Variants in CFAP43 observed in about 807,000 individuals in gnomAD.
CFAP43 encodes cilia and flagella associated protein 43.
In CFAP43, 155 loss-of-function variants were observed where a neutral mutation model predicts 218.9. The ratio of observed to expected loss-of-function variants is 0.71; its 90% CI spans 0.62 to 0.81. CFAP43 has a LOEUF of 0.81. Among genes scored for constraint, CFAP43 ranks in the 30% least tolerant of loss-of-function variants. CFAP43 has a pLI of 0.00. For missense variants in CFAP43, 1,778 were observed against 1,954.3 expected, an observed-to-expected ratio of 0.91 and a Z score of 1.70; for synonymous variants, 645 against 681.3, an observed-to-expected ratio of 0.95 and a Z score of 0.83.
intron 10 of CFAP43, among the ~76,000 whole-genome samples, chr10:104,195,102 G>GT (rs887960897): frequency 6.6e-6 from 1 of 152,224 alleles, no homozygotes; most frequent in Admixed American, 6.5e-5. Flanking sequence ...ACCCTTGCAG[G>GT]TACCATCAGC....
chr10:104,214,183 T>A, intron 4 of CFAP43, 76 bp downstream of exon 4: 2 of 1,422,732 alleles, frequency 1.4e-6, no homozygotes, highest in Non-Finnish European at 1.9e-6. Context: ...ACTTAATTCA[T>A]CAAATTGACC....
At chr10:104,188,914 C>T (rs1042623391) in intron 12 of CFAP43, among the ~76,000 whole-genome samples, 1 of 152,202 alleles carries the variant, frequency 6.6e-6, no homozygotes, top group Non-Finnish European at 1.5e-5. Context: ...TGGAGCCCAC[C>T]TTGGATTTGT....
At chr10:104,145,207 G>A (rs1004363162) in intron 31 of CFAP43, among the ~76,000 whole-genome samples, 2 of 152,216 alleles carry the variant, frequency 1.3e-5, no homozygotes, top group Non-Finnish European at 2.9e-5. Context: ...CTTCCTTAAT[G>A]TACAAAGCAG....
intron 20 of CFAP43, among the ~76,000 whole-genome samples, chr10:104,170,843 C>T (rs1480834966): frequency 1.3e-5 from 2 of 152,144 alleles, no homozygotes; most frequent in African/African-American, 2.4e-5. Context: ...TATACAAGCT[C>T]GTCAGGGCTA....
chr10:104,217,330 CTTTTCTTTTCTTTCTTTCTTTCT>C (rs200919750), intron 3 of CFAP43, among the ~76,000 whole-genome samples: 13,611 of 151,682 alleles, frequency 0.09, 1,017 homozygotes, highest in African/African-American at 0.21. Context: ...CTTTCTTTTT[CTTTTCTTTTCTTTCTTTCTTTCT>C]TTTTCTTTCT....
chr10:104,201,900 T>C (rs993806252), intron 8 of CFAP43, among the ~76,000 whole-genome samples: 5 of 152,238 alleles, frequency 3.3e-5, no homozygotes, highest in African/African-American at 1.2e-4. Flanking sequence ...ATGTCTTTTT[T>C]CACCCGCATA....
chr10:104,211,891 C>T, intron 5 of CFAP43, 116 bp downstream of exon 5: 2 of 1,226,682 alleles, frequency 1.6e-6, no homozygotes, highest in South Asian at 1.9e-5. Context: ...ATATTAAAAA[C>T]CAAGATGATC....
chr10:104,205,212 C>CAAAAA (rs71022723), intron 7 of CFAP43, among the ~76,000 whole-genome samples: 315 of 52,386 alleles, frequency 6.0e-3, no homozygotes, highest in Non-Finnish European at 7.3e-3. Flanking sequence ...GACTCCGTCT[C>CAAAAA]AAAAAAAAAA....
intron 12 of CFAP43, among the ~76,000 whole-genome samples, chr10:104,191,353 T>C (rs1056708346): frequency 6.6e-6 from 1 of 152,148 alleles, no homozygotes; most frequent in Non-Finnish European, 1.5e-5. Flanking sequence ...TTTTTACCAT[T>C]CCAAGTACCT....
chr10:104,142,482 C>G (rs1311686129), intron 32 of CFAP43, 89 bp from the exon 33 acceptor site: 7 of 840,436 alleles, frequency 8.3e-6, no homozygotes, highest in Middle Eastern at 2.3e-4. Context: ...ATTTAAAAAC[C>G]TTAACAGGTC....
At chr10:104,138,452 G>T (rs1030867389) in intron 34 of CFAP43, among the ~76,000 whole-genome samples, 1 of 151,996 alleles carries the variant, frequency 6.6e-6, no homozygotes, top group Non-Finnish European at 1.5e-5. Context: ...GAGGTGGGCG[G>T]ATCACCTGAG....
chr10:104,220,363 T>G (rs1278939873), intron 3 of CFAP43, among the ~76,000 whole-genome samples: 1 of 152,134 alleles, frequency 6.6e-6, no homozygotes, highest in African/African-American at 2.4e-5. Context: ...CCTAGCTAAT[T>G]AATAGAAGTA....
intron 7 of CFAP43, among the ~76,000 whole-genome samples, chr10:104,204,111 G>A (rs1469646294): frequency 6.6e-6 from 1 of 152,150 alleles, no homozygotes; most frequent in Non-Finnish European, 1.5e-5. Context: ...CAGGAGGTAG[G>A]AAAAATGAAG....
At chr10:104,139,934 T>A (rs2087630323) in intron 34 of CFAP43, among the ~76,000 whole-genome samples, 1 of 152,188 alleles carries the variant, frequency 6.6e-6, no homozygotes, top group Non-Finnish European at 1.5e-5. Flanking sequence ...AAATAAAATG[T>A]ACAGTAGCAT....
At chr10:104,222,370 A>G (rs1246652062) in intron 3 of CFAP43, among the ~76,000 whole-genome samples, 1 of 152,130 alleles carries the variant, frequency 6.6e-6, no homozygotes, top group Non-Finnish European at 1.5e-5. Flanking sequence ...TCACATTTCT[A>G]TGCAGCACCC....
chr10:104,164,368 A>G (rs750315152), intron 23 of CFAP43, 68 bp from the exon 24 acceptor site: 51 of 1,207,956 alleles, frequency 4.2e-5, no homozygotes, highest in Non-Finnish European at 2.8e-5. Context: ...TGATCCCACA[A>G]TTATACTTTC....
At chr10:104,212,362 T>A (rs998921372) in intron 4 of CFAP43, among the ~76,000 whole-genome samples, 3 of 152,192 alleles carry the variant, frequency 2.0e-5, no homozygotes, top group African/African-American at 7.2e-5. Context: ...TACTGAGGGA[T>A]TATAAAAATT....
At chr10:104,163,560 C>T (rs1406661154) in intron 24 of CFAP43, among the ~76,000 whole-genome samples, 2 of 151,948 alleles carry the variant, frequency 1.3e-5, no homozygotes, top group Admixed American at 1.3e-4. Flanking sequence ...GAAAGCTGTC[C>T]GGAGAGCCCC....
intron 17 of CFAP43, among the ~76,000 whole-genome samples, chr10:104,180,843 G>C (rs76244618): frequency 0.1 from 15,199 of 151,990 alleles, 808 homozygotes; most frequent in Middle Eastern, 0.18. Flanking sequence ...AACCTCACTG[G>C]CTACCCCTCC....
Sources: allele counts gnomAD v4.1 joint callset (sites outside exome capture counted in the v4.1 genomes callset), GRCh38; gene constraint gnomAD v4.1.1; transcripts MANE v1.5; gene names NCBI Gene and HGNC (gene_info 2026-07-23, HGNC 2026-07-21).